The following CATSPERD variants were observed in gnomAD, a reference collection of about 807,000 sequenced individuals.
CATSPERD encodes the protein catsper channel auxiliary subunit delta, also known as cation channel sperm-associated auxiliary subunit delta.
CATSPERD carries 86 observed loss-of-function variants against 98.1 expected under a neutral mutation model. That is an observed-to-expected ratio of 0.88 (90% CI 0.74 to 1.05). The LOEUF (loss-of-function observed/expected upper bound fraction) is 1.05. Ranked by LOEUF, CATSPERD falls within the 50% of genes least tolerant of loss-of-function variation. CATSPERD has a pLI of 0.00. For missense variants in CATSPERD, 995 were observed against 1,005.7 expected (o/e 0.99, Z 0.14); for synonymous variants, 394 against 390.2 (o/e 1.01, Z -0.12).
chr19:5,772,378 C>T (rs1381348250), intron 19 of CATSPERD: 1 of 256,158 alleles, frequency 3.9e-6, no homozygotes, highest in South Asian at 3.4e-5. Context: ...CAGGCGCCCG[C>T]CACTGCGCCC....
At chr19:5,772,493 C>T in intron 19 of CATSPERD, 1 of 327,970 alleles carries the variant, frequency 3.0e-6, no homozygotes. Flanking sequence ...TCCCAAAGTG[C>T]TGAGATTACG....
At position 5,724,814 on chromosome 19, in the gene CATSPERD, C is replaced by T; in HGVS notation, c.78C>T (p.Arg26=). ...PLVTAQLCRS[R]TVRTGKVFNL... ...TCTTTCTTGTCACTTCTAGTTCTCG[C>T]ACAGTGAGGACAGGAAAAGTGTTTA... The change falls in exon 2 of 22, where the codon CGC becomes CGT. Residue 26 remains arginine, a synonymous_variant. Coordinates refer to ENST00000381624, the MANE Select transcript of CATSPERD (RefSeq NM_152784.4). 6.2e-7 allele frequency: 1 copy of T among 1,613,962 alleles called. No individual in the cohort carries two copies. Among genetic ancestry groups the T allele is most frequent in the Non-Finnish European group, 8.5e-7 (1 of 1,179,858 alleles).
At chr19:5,753,534 C>T (rs887644277) in intron 12 of CATSPERD, 4 of 328,574 alleles carry the variant, frequency 1.2e-5, no homozygotes, top group African/African-American at 6.7e-5. Context: ...TGCACCCCAA[C>T]CTGGGCGACA....
chr19:5,756,567 G>A (rs997530953), intron 13 of CATSPERD, among the ~76,000 whole-genome samples: 23 of 152,098 alleles, frequency 1.5e-4, no homozygotes, highest in Non-Finnish European at 3.4e-4. Flanking sequence ...AGTGGGTTTT[G>A]TTCTCCTTTT....
intron 18 of CATSPERD, 115 bp from the exon 19 acceptor site, chr19:5,770,829 C>A (rs2056629900): frequency 7.9e-7 from 1 of 1,261,264 alleles, no homozygotes; most frequent in Admixed American, 2.4e-5. Context: ...GATGCCACCT[C>A]CTGCCACTCT....
At chr19:5,768,068 C>T in intron 17 of CATSPERD, 100 bp from the exon 18 acceptor site, 1 of 1,034,664 alleles carries the variant, frequency 9.7e-7, no homozygotes, top group Non-Finnish European at 1.5e-6. Context: ...AAGTGCTGGG[C>T]CTGAGCCACC....
intron 20 of CATSPERD, 127 bp downstream of exon 20, chr19:5,773,092 G>A (rs548959902): frequency 2.5e-5 from 23 of 927,156 alleles, no homozygotes; most frequent in Admixed American, 1.4e-4. Flanking sequence ...GGTGGCTCAC[G>A]CCTGTAATCC....
At chr19:5,755,619 AATT>A (rs1366548834) in intron 13 of CATSPERD, among the ~76,000 whole-genome samples, 1 of 151,788 alleles carries the variant, frequency 6.6e-6, no homozygotes, top group Non-Finnish European at 1.5e-5. Context: ...AAAACATAAA[AATT>A]ATTAGCCGGG....
Position 5,720,682 on chromosome 19 carries a change from T to C in CATSPERD, c.-56T>C, listed in dbSNP as rs2055437867. The C allele has an allele frequency of 6.5e-7, 1 of 1,546,830 alleles. No homozygotes were observed. The highest frequency in any genetic ancestry group is 8.8e-7 in the Non-Finnish European group (1 of 1,133,984). ...CTTCAGCCTGCACGTACTCGGATTG[T>C]GCAGCGACTCCCCGTGGCGGTTGAG... On this transcript the variant is annotated 5_prime_UTR_variant, in exon 1 of 22. Transcript: ENST00000381624.
chr19:5,734,132 C>T (rs905305599), intron 5 of CATSPERD, among the ~76,000 whole-genome samples, 162 bp downstream of exon 5: 13 of 152,116 alleles, frequency 8.5e-5, no homozygotes, highest in African/African-American at 3.1e-4. Context: ...AGTCCCCATC[C>T]GTAGACTGGG....
intron 2 of CATSPERD, among the ~76,000 whole-genome samples, chr19:5,726,234 G>A (rs1014323912): frequency 1.3e-5 from 2 of 150,890 alleles, no homozygotes; most frequent in Admixed American, 1.3e-4. Context: ...CCTAATTTTT[G>A]TATTTTTAGT....
rs758092866 is a variant in CATSPERD, at chr19:5,776,257, ATT to A, written c.2041_2042del (p.Phe681ArgfsTer27). 2.5e-6 allele frequency: 4 copies of A among 1,614,018 alleles called. No individual in the cohort carries two copies. In the African/African-American group the frequency reaches 5.3e-5, roughly 22 times the overall value. On this transcript the variant is annotated frameshift_variant, in exon 21 of 22. Coordinates refer to ENST00000381624, the MANE Select transcript of CATSPERD (RefSeq NM_152784.4). LOFTEE classifies it high-confidence loss of function. ...GGGCGGCCGGACAGCAAACCAGATC[ATT>A]TTCGGCCACAATGGCTTTTATGTCT... ...ILGGRTANQI[I>X]FGHNGFYVFY...
chr19:5,764,780 A>AT (rs1476566570), intron 16 of CATSPERD, among the ~76,000 whole-genome samples: 1 of 151,672 alleles, frequency 6.6e-6, no homozygotes, highest in Admixed American at 6.6e-5. Context: ...TGCCGAGCTA[A>AT]TTTTTTGTAT....
In CATSPERD at chr19:5,728,653, G is replaced by A. The variant is rs552489524; in HGVS notation, c.204-1219G>A. On this transcript the variant is annotated intron_variant, in intron 3 of 21. Transcript: ENST00000381624. Reference sequence around the variant, plus strand: ...GCAGGAGGATCACTTGAGCCCAGGAGTTGAAAACCAGCCTGGATAACATAG... The same window carrying A: ...GCAGGAGGATCACTTGAGCCCAGGAATTGAAAACCAGCCTGGATAACATAG... Among the ~76,000 whole-genome samples, 246 of 151,438 alleles carry A rather than the reference G, an allele frequency of 1.6e-3. 2 individuals are homozygous for A. The South Asian group carries it at 0.032, about 20-fold the overall frequency.
intron 3 of CATSPERD, among the ~76,000 whole-genome samples, chr19:5,727,881 GTCTGGCAGC>G (rs1482560137): frequency 6.6e-6 from 1 of 151,872 alleles, no homozygotes; most frequent in Non-Finnish European, 1.5e-5. Context: ...CAAGACATCA[GTCTGGCAGC>G]ATCAAAAAGG....
At chr19:5,733,176 T>G (rs1045045335) in intron 4 of CATSPERD, among the ~76,000 whole-genome samples, 1 of 152,030 alleles carries the variant, frequency 6.6e-6, no homozygotes, top group Non-Finnish European at 1.5e-5. Flanking sequence ...GTATTTTTAA[T>G]AGAGGCAGGG....
chr19:5,749,421 G>A (rs575304879), intron 11 of CATSPERD, among the ~76,000 whole-genome samples: 1 of 152,162 alleles, frequency 6.6e-6, no homozygotes, highest in Non-Finnish European at 1.5e-5. Context: ...GAGCCTGGAA[G>A]GCAGAGTAAG....
At chr19:5,770,166 C>T (rs1323180048) in intron 18 of CATSPERD, among the ~76,000 whole-genome samples, 1 of 149,560 alleles carries the variant, frequency 6.7e-6, no homozygotes, top group Non-Finnish European at 1.5e-5. Flanking sequence ...AGTGGGTCAC[C>T]CCTGTAATCC....
intron 19 of CATSPERD, 106 bp from the exon 20 acceptor site, chr19:5,772,682 C>A: frequency 8.5e-7 from 1 of 1,169,652 alleles, no homozygotes; most frequent in Non-Finnish European, 1.2e-6. Context: ...CTCTCTGTCA[C>A]CTCCCACCCC....
Sources: allele counts gnomAD v4.1 joint callset (sites outside exome capture counted in the v4.1 genomes callset), GRCh38; gene constraint gnomAD v4.1.1; transcripts MANE v1.5; gene names NCBI Gene and HGNC (gene_info 2026-07-23, HGNC 2026-07-21).